DHRS13: variants seen among roughly 807,000 people sequenced by gnomAD.
DHRS13 encodes the protein dehydrogenase/reductase 13.
Under a neutral mutation model 17.9 loss-of-function variants are expected in DHRS13, and 22 were observed. The ratio of observed to expected loss-of-function variants is 1.23; its 90% CI spans 0.88 to 1.75. DHRS13 has a LOEUF of 1.75. Ranked by LOEUF, DHRS13 falls within the 40% of genes most tolerant of loss-of-function variation. The probability of loss-of-function intolerance (pLI) is 0.00; values close to 1 mark genes in which losing one functional copy is unlikely to be tolerated. For missense variants in DHRS13, 483 were observed against 519.9 expected, an observed-to-expected ratio of 0.93 and a Z score of 0.69; for synonymous variants, 206 against 220.4, an observed-to-expected ratio of 0.93 and a Z score of 0.58.
Position 28,898,295 on chromosome 17 carries a change from G to C in DHRS13, c.*146C>G, listed in dbSNP as rs1317355389. 4 of 768,746 alleles carry C rather than the reference G, an allele frequency of 5.2e-6. No individual in the cohort carries two copies. Among genetic ancestry groups the C allele is most frequent in the Non-Finnish European group, 8.3e-6 (4 of 482,586 alleles). The allele number at this position is 768,746 out of a possible 1,614,324, so 47.6% of individuals were successfully genotyped here. A position where few individuals can be genotyped will look rare whatever the true frequency, so the allele number is the denominator to read the frequency against. ...CCCATTATTCCTTCAACCAGGAAAA[G>C]AGATGTCCAGGGCACAGCTTGGGGC... On this transcript the variant is annotated 3_prime_UTR_variant, in exon 5 of 5. Coordinates refer to ENST00000378895, the MANE Select transcript of DHRS13 (RefSeq NM_144683.4).
At position 28,898,003 on chromosome 17, in the gene DHRS13, G is replaced by T; in HGVS notation, c.*438C>A. 4.4e-6 allele frequency: 1 copy of T among 224,812 alleles called. No homozygotes were observed. The highest frequency in any genetic ancestry group is 1.5e-4 in the East Asian group (1 of 6,628). 13.9% of individuals were successfully genotyped at this position (224,812 alleles called of 1,614,324 possible). On this transcript the variant is annotated 3_prime_UTR_variant, in exon 5 of 5. Transcript: ENST00000378895. Reference sequence around the variant, plus strand: ...CTACTCACTGTGAGACCCTAGGCGAGTCCCTTAGCTCGGGAGCCTAATTCC... The same window carrying T: ...CTACTCACTGTGAGACCCTAGGCGATTCCCTTAGCTCGGGAGCCTAATTCC...
Position 28,902,908 on chromosome 17 carries a change from C to G in DHRS13, c.37G>C (p.Gly13Arg). Reference protein sequence around the residue: ...ALLLGAGLLLGAYVLVYYNLV... With the variant: ...ALLLGAGLLLRAYVLVYYNLV... Reference sequence around the variant, plus strand: ...TTGTAGTAGACAAGCACGTAAGCGCCCAGCAGCAACCCCGCGCCCAGCAGC... The same window carrying G: ...TTGTAGTAGACAAGCACGTAAGCGCGCAGCAGCAACCCCGCGCCCAGCAGC... Residue 13 changes from glycine (G) to arginine (R), a missense_variant, in exon 1 of 5, where the codon GGC (glycine) becomes CGC (arginine). Coordinates refer to ENST00000378895, the MANE Select transcript of DHRS13 (RefSeq NM_144683.4). This position sits in a 1 kb window ranked among gnomAD's most constrained non-coding sequence, Gnocchi z 4.0. 6.4e-7 allele frequency: 1 copy of G among 1,552,582 alleles called. No homozygotes were observed. Among genetic ancestry groups the G allele is most frequent in the Middle Eastern group, 1.7e-4 (1 of 5,896 alleles).
rs2039771126 is a variant in DHRS13 at position 28,897,827 on chromosome 17, A to G, written c.*614T>C. The stretch of plus-strand genomic sequence containing the variant: ...TTCCGAGGGGCTTCAGATACAGATG[A>G]CCCCAGCCCTGCATCCGCCCGGAAG... On this transcript the variant is annotated 3_prime_UTR_variant, in exon 5 of 5. Coordinates refer to ENST00000378895, the MANE Select transcript of DHRS13 (RefSeq NM_144683.4). This position sits in a 1 kb window ranked among gnomAD's most constrained non-coding sequence, Gnocchi z 4.4. 3.6e-6 allele frequency: 1 copy of G among 281,266 alleles called. No individual in the cohort carries two copies. Among genetic ancestry groups the G allele is most frequent in the Middle Eastern group, 1.1e-3 (1 of 944 alleles). The allele number at this position is 281,266 out of a possible 1,614,324, so 17.4% of individuals were successfully genotyped here.
rs200772366 is a variant in DHRS13, at chr17:28,901,148, C to T, written c.524G>A (p.Arg175Gln). 22 of 1,614,046 alleles carry T rather than the reference C, an allele frequency of 1.4e-5. No homozygotes were observed. Among genetic ancestry groups the T allele is most frequent in the African/African-American group, 5.3e-5 (4 of 74,918 alleles). ...VVVVASAAHC[R>Q]GRLDFKRLDR... ...CAGGCGTTTGAAGTCAAGACGTCCC[C>T]GACAGTGGGCAGCTGAGGCTACCAC... Residue 175 changes from arginine (R) to glutamine (Q), a missense_variant, in exon 4 of 5, where the codon CGG becomes CAG. Transcript: ENST00000378895. The surrounding 1 kb of genome is among the most constrained non-coding windows in gnomAD (Gnocchi z 4.3).
In DHRS13 at chr17:28,898,300, G is replaced by A. The variant is rs1422186298; in HGVS notation, c.*141C>T. The A allele has an allele frequency of 7.4e-6, 6 of 810,990 alleles. No individual in the cohort carries two copies. The highest frequency in any genetic ancestry group is 1.2e-5 in the Non-Finnish European group (6 of 515,970). The allele number at this position is 810,990 out of a possible 1,614,324, so 50.2% of individuals were successfully genotyped here. On this transcript the variant is annotated 3_prime_UTR_variant, in exon 5 of 5. Coordinates refer to ENST00000378895, the MANE Select transcript of DHRS13 (RefSeq NM_144683.4). The stretch of plus-strand genomic sequence containing the variant: ...TATTCCTTCAACCAGGAAAAGAGAT[G>A]TCCAGGGCACAGCTTGGGGCCCCAG...
chr17:28,902,888 G>A lies in DHRS13; in HGVS notation c.57C>T (p.Tyr19=). 1 of 1,557,678 alleles carries A rather than the reference G, an allele frequency of 6.4e-7. No homozygotes were observed. The highest frequency in any genetic ancestry group is 8.6e-7 in the Non-Finnish European group (1 of 1,160,120). The part of the protein sequence containing the change: ...GLLLGAYVLV[Y]YNLVKAPPCG... The stretch of plus-strand genomic sequence containing the variant: ...ACGGCGGGGCCTTCACCAGGTTGTA[G>A]TAGACAAGCACGTAAGCGCCCAGCA... Residue 19 remains tyrosine, a synonymous_variant, in exon 1 of 5, where the codon TAC becomes TAT. Transcript: ENST00000378895. This position sits in a 1 kb window ranked among gnomAD's most constrained non-coding sequence, Gnocchi z 4.0.
rs1215463095 is a variant in DHRS13 at position 28,902,828 on chromosome 17, G to C, written c.117C>G (p.Ala39=). 6.5e-7 allele frequency: 1 copy of C among 1,540,118 alleles called. No individual in the cohort carries two copies. Among genetic ancestry groups the C allele is most frequent in the South Asian group, 1.2e-5 (1 of 85,866 alleles). The change falls in exon 1 of 5, where the codon GCC becomes GCG. Residue 39 remains alanine, a synonymous_variant. Transcript: ENST00000378895. This position sits in a 1 kb window ranked among gnomAD's most constrained non-coding sequence, Gnocchi z 4.0. ...GGMGNLRGRT[A]VVTGANSGIG... ...CGCCTCCGCACTCACCCGTGACCAC[G>C]GCCGTGCGGCCCCGCAGGTTGCCCA... is the stretch of plus-strand genomic sequence containing the variant.
Position 28,898,708 on chromosome 17 carries a change from C to T in DHRS13, c.867G>A (p.Glu289=). ...GGTCGTCTCGGGCAGCTGGAGGCAC[C>T]TCTTCCACATGGCAGTTGGCAAAAT... The part of the protein sequence containing the change: ...GRYFANCHVE[E]VPPAARDDRA... The change falls in exon 5 of 5, where the codon GAG becomes GAA. Residue 289 remains glutamate (E), a synonymous_variant. Coordinates refer to ENST00000378895, the MANE Select transcript of DHRS13 (RefSeq NM_144683.4). 2 of 1,613,946 alleles carry T rather than the reference C, an allele frequency of 1.2e-6. No individual in the cohort carries two copies. The highest frequency in any genetic ancestry group is 1.7e-6 in the Non-Finnish European group (2 of 1,179,924).
chr17:28,900,657 TTCTTGGATGAATTATTAGC>T (rs1327216191), intron 4 of DHRS13, among the ~76,000 whole-genome samples: 1 of 152,194 alleles, frequency 6.6e-6, no homozygotes, highest in Non-Finnish European at 1.5e-5. Context: ...CGGTAAATGC[TTCTTGGATGAATTATTAGC>T]TATCATCATC....
chr17:28,902,795 C>T lies in DHRS13; in HGVS notation c.127+23G>A. ...CCTCTCCGCGCGCCCCGCCAGCTCG[C>T]ACTCACCCGCCTCCGCACTCACCCG... On this transcript the variant is annotated intron_variant, in intron 1 of 4. Transcript: ENST00000378895. This position sits in a 1 kb window ranked among gnomAD's most constrained non-coding sequence, Gnocchi z 4.0. 1 of 1,506,188 alleles carries T rather than the reference C, an allele frequency of 6.6e-7. No individual in the cohort carries two copies. The allele number at this position is 1,506,188 out of a possible 1,614,324, so 93.3% of individuals were successfully genotyped here.
chr17:28,901,486 C>T lies in DHRS13; in HGVS notation c.370+7G>A, dbSNP rs1055454798. 1.9e-6 allele frequency: 3 copies of T among 1,613,808 alleles called. No individual in the cohort carries two copies. The highest frequency in any genetic ancestry group is 2.5e-6 in the Non-Finnish European group (3 of 1,179,900). On this transcript the variant is annotated splice_region_variant and intron_variant, in intron 3 of 4. Coordinates refer to ENST00000378895, the MANE Select transcript of DHRS13 (RefSeq NM_144683.4). This position sits in a 1 kb window ranked among gnomAD's most constrained non-coding sequence, Gnocchi z 4.3. ...CCCACCCCCACGCAGGGCCTGCTGC[C>T]CCTCACCGGCATTGTGGATGAGGAT...
rs1159189537 is a variant in DHRS13, at chr17:28,902,236, A to C, written c.246+347T>G. ...TCATACTTTGTGCTCCAGCCTCATTAAATCTTTTTCTCAGTTTTTCAGATC... is the reference window on the plus strand; with the variant it reads ...TCATACTTTGTGCTCCAGCCTCATTCAATCTTTTTCTCAGTTTTTCAGATC... On this transcript the variant is annotated intron_variant, in intron 2 of 4. Transcript: ENST00000378895. The surrounding 1 kb of genome is among the most constrained non-coding windows in gnomAD (Gnocchi z 4.0). The C allele has an allele frequency of 1.5e-5, 3 of 202,988 alleles. No individual in the cohort carries two copies. The highest frequency in any genetic ancestry group is 2.3e-4 in the East Asian group (2 of 8,790). 12.6% of individuals were successfully genotyped at this position (202,988 alleles called of 1,614,324 possible).
chr17:28,901,303 T>C lies in DHRS13; in HGVS notation c.371-2A>G, dbSNP rs2152652629. 6 of 1,603,460 alleles carry C rather than the reference T, an allele frequency of 3.7e-6. No individual in the cohort carries two copies. Among genetic ancestry groups the C allele is most frequent in the South Asian group, 3.3e-5 (3 of 89,826 alleles). ...GGGTCCGGCCACAGGAACTGATACC[T>C]GGGGCAGAGGCTAAATGTGAGCGGC... is the stretch of plus-strand genomic sequence containing the variant. On this transcript the variant is annotated splice_acceptor_variant, in intron 3 of 4. Transcript: ENST00000378895. LOFTEE classifies it high-confidence loss of function. The surrounding 1 kb of genome is among the most constrained non-coding windows in gnomAD (Gnocchi z 4.3).
Position 28,902,468 on chromosome 17 carries a change from C to T in DHRS13, c.246+115G>A. On this transcript the variant is annotated intron_variant, in intron 2 of 4. Transcript: ENST00000378895. This position sits in a 1 kb window ranked among gnomAD's most constrained non-coding sequence, Gnocchi z 4.0. Reference sequence around the variant, plus strand: ...CGTGCACTCCCTCTTCGCGCTCAGCCGCCCGCGCCGCGCTCTCCTCCCTGG... The same window carrying T: ...CGTGCACTCCCTCTTCGCGCTCAGCTGCCCGCGCCGCGCTCTCCTCCCTGG... 1 of 1,126,544 alleles carries T rather than the reference C, an allele frequency of 8.9e-7. No homozygotes were observed. Among genetic ancestry groups the T allele is most frequent in the Non-Finnish European group, 1.2e-6 (1 of 855,866 alleles). The allele number at this position is 1,126,544 out of a possible 1,614,324, so 69.8% of individuals were successfully genotyped here.
At position 28,898,722 on chromosome 17, in the gene DHRS13, A is replaced by G. The variant is rs923744552; in HGVS notation, c.853T>C (p.Cys285Arg). 3.7e-6 allele frequency: 6 copies of G among 1,613,838 alleles called. No individual in the cohort carries two copies. In the African/African-American group the frequency reaches 8.0e-5, roughly 22 times the overall value. The stretch of plus-strand genomic sequence containing the variant: ...GCTGGAGGCACCTCTTCCACATGGC[A>G]GTTGGCAAAATATCTCCCACTGAGG... ...EPLSGRYFAN[C>R]HVEEVPPAAR... The change falls in exon 5 of 5, where the codon TGC (cysteine) becomes CGC (arginine). Residue 285 changes from cysteine (C) to arginine (R), a missense_variant. Transcript: ENST00000378895.
At position 28,902,195 on chromosome 17, in the gene DHRS13, C is replaced by T. The variant is rs908895880; in HGVS notation, c.246+388G>A. On this transcript the variant is annotated intron_variant, in intron 2 of 4. Transcript: ENST00000378895. This position sits in a 1 kb window ranked among gnomAD's most constrained non-coding sequence, Gnocchi z 4.0. ...GCTCTAGAATGTTCTCCAGCCCCCT[C>T]ATTTGCCCATCTTCCTCATACTTTG... The T allele has an allele frequency of 5.7e-6, 1 of 175,854 alleles. No homozygotes were observed. The highest frequency in any genetic ancestry group is 2.4e-5 in the African/African-American group (1 of 42,066). 10.9% of individuals were successfully genotyped at this position (175,854 alleles called of 1,614,324 possible). A position where few individuals can be genotyped will look rare whatever the true frequency, so the allele number is the denominator to read the frequency against.
At chr17:28,900,843 G>T in intron 4 of DHRS13, 147 bp downstream of exon 4, 1 of 897,370 alleles carries the variant, frequency 1.1e-6, no homozygotes, top group South Asian at 1.8e-5. Context: ...CAAGGAACAG[G>T]TCTCTCCTTG....
Position 28,901,324 on chromosome 17 carries a change from G to A in DHRS13, c.371-23C>T, listed in dbSNP as rs1205586623. The A allele has an allele frequency of 6.3e-7, 1 of 1,589,778 alleles. No homozygotes were observed. Among genetic ancestry groups the A allele is most frequent in the African/African-American group, 1.3e-5 (1 of 74,316 alleles). On this transcript the variant is annotated intron_variant, in intron 3 of 4. Transcript: ENST00000378895. The surrounding 1 kb of genome is among the most constrained non-coding windows in gnomAD (Gnocchi z 4.3). ...TACCTGGGGCAGAGGCTAAATGTGAGCGGCTGCTCCAGAAGGAGCTCTGCA... is the reference window on the plus strand; with the variant it reads ...TACCTGGGGCAGAGGCTAAATGTGAACGGCTGCTCCAGAAGGAGCTCTGCA...
intron 4 of DHRS13, among the ~76,000 whole-genome samples, chr17:28,900,074 T>G (rs1455031504): frequency 6.6e-6 from 1 of 151,918 alleles, no homozygotes; most frequent in Non-Finnish European, 1.5e-5. Context: ...CCACCACACC[T>G]GGCTAATTTT....
Sources: allele counts gnomAD v4.1 joint callset (sites outside exome capture counted in the v4.1 genomes callset), GRCh38; gene constraint gnomAD v4.1.1; non-coding constraint Gnocchi (gnomAD v3.1); transcripts MANE v1.5; gene names NCBI Gene and HGNC (gene_info 2026-07-23, HGNC 2026-07-21).